Variants in CHRM3 observed in about 807,000 individuals in gnomAD.
The protein encoded by CHRM3 is muscarinic acetylcholine receptor M3.
A neutral mutation model predicts 41.8 loss-of-function variants in CHRM3; 11 were observed. That is an observed-to-expected ratio of 0.26 (90% CI 0.17 to 0.44). The LOEUF (loss-of-function observed/expected upper bound fraction) is 0.44. Among genes scored for constraint, CHRM3 ranks in the 20% least tolerant of loss-of-function variants. CHRM3 has a pLI of 1.00. For synonymous variants in CHRM3, 297 were observed against 301.4 expected, an observed-to-expected ratio of 0.99 and a Z score of 0.15; for missense variants, 571 against 745.4, an observed-to-expected ratio of 0.77 and a Z score of 2.72.
chr1:239,737,149 A>T (rs895880686), intron 5 of CHRM3, among the ~76,000 whole-genome samples: 1 of 152,152 alleles, frequency 6.6e-6, no homozygotes, highest in African/African-American at 2.4e-5. Context: ...AATTACAATG[A>T]TGTGCCTAAA....
At chr1:239,846,231 CTT>C (rs1674250883) in intron 6 of CHRM3, among the ~76,000 whole-genome samples, 1 of 152,080 alleles carries the variant, frequency 6.6e-6, no homozygotes, top group African/African-American at 2.4e-5. Context: ...TTTAAAGTAA[CTT>C]CCAGAAAACG....
intron 6 of CHRM3, among the ~76,000 whole-genome samples, chr1:239,837,310 C>G (rs534979814): frequency 6.6e-6 from 1 of 152,144 alleles, no homozygotes; most frequent in Non-Finnish European, 1.5e-5. Context: ...AGAGAAATAT[C>G]CAAGCACCTA....
intron 5 of CHRM3, among the ~76,000 whole-genome samples, chr1:239,797,338 C>T (rs485159): frequency 0.26 from 39,832 of 151,424 alleles, 6,067 homozygotes; most frequent in Admixed American, 0.34. Context: ...CACATGTACC[C>T]CTGACTCTAA....
chr1:239,649,731 G>A (rs60744906), intron 4 of CHRM3, among the ~76,000 whole-genome samples: 32,436 of 152,002 alleles, frequency 0.21, 4,681 homozygotes, highest in East Asian at 0.54. Flanking sequence ...GATCTTGAGT[G>A]CGAGAGAAGG....
chr1:239,590,394 C>T (rs1663994362), intron 3 of CHRM3, among the ~76,000 whole-genome samples: 1 of 151,988 alleles, frequency 6.6e-6, no homozygotes, highest in African/African-American at 2.4e-5. Context: ...AAGGAGAGGA[C>T]AAATACACAA....
chr1:239,734,312 C>T (rs963524323), intron 5 of CHRM3, among the ~76,000 whole-genome samples: 1 of 151,972 alleles, frequency 6.6e-6, no homozygotes, highest in Non-Finnish European at 1.5e-5. Context: ...GAGGTCATGT[C>T]GAAAGGACTC....
intron 2 of CHRM3, among the ~76,000 whole-genome samples, chr1:239,513,215 C>G (rs1669039593): frequency 2.6e-5 from 4 of 152,104 alleles, no homozygotes; most frequent in Non-Finnish European, 5.9e-5. Flanking sequence ...CATTTTCTGT[C>G]TTAATCTGAT....
At chr1:239,541,461 A>G (rs1459426111) in intron 2 of CHRM3, among the ~76,000 whole-genome samples, 2 of 152,176 alleles carry the variant, frequency 1.3e-5, no homozygotes, top group African/African-American at 4.8e-5. Context: ...CAAGATAACT[A>G]AATTGTCAAT....
intron 1 of CHRM3, among the ~76,000 whole-genome samples, chr1:239,464,241 C>T (rs1572390825): frequency 6.7e-6 from 1 of 149,594 alleles, no homozygotes; most frequent in Admixed American, 6.7e-5. Flanking sequence ...GATCGTGCCA[C>T]TGCACTCCAG....
intron 5 of CHRM3, among the ~76,000 whole-genome samples, chr1:239,730,913 C>T (rs1663907261): frequency 6.6e-6 from 1 of 151,834 alleles, no homozygotes; most frequent in Non-Finnish European, 1.5e-5. Context: ...TGTACTAAAG[C>T]AGTAACATCA....
rs569819919 is a variant in CHRM3, at chr1:239,606,481, G to A, written c.-312-25743G>A. 3.2e-3 allele frequency among the ~76,000 whole-genome samples: 487 copies of A among 152,230 alleles called. 4 individuals are homozygous for A. The highest frequency in any genetic ancestry group is 0.011 in the African/African-American group (465 of 41,542). On this transcript the variant is annotated intron_variant, in intron 3 of 6. Transcript: ENST00000676153. ...AGTAGAGACAAGGTTTCACTATGTT[G>A]GCCAGGCTGGTCTCAATCTCCTGAC...
intron 3 of CHRM3, among the ~76,000 whole-genome samples, chr1:239,581,217 G>A (rs72756782): frequency 2.5e-4 from 38 of 152,090 alleles, no homozygotes; most frequent in Non-Finnish European, 4.0e-4. Context: ...GCCATATGTC[G>A]AGGACTTATT....
Position 239,522,581 on chromosome 1 carries a change from A to G in CHRM3, c.-421-23060A>G, listed in dbSNP as rs550965621. 3.2e-4 allele frequency among the ~76,000 whole-genome samples: 49 copies of G among 152,378 alleles called. 1 individual carries two copies. The Middle Eastern group carries it at 0.01, about 32-fold the overall frequency. On this transcript the variant is annotated intron_variant, in intron 2 of 6. Coordinates refer to ENST00000676153, the MANE Select transcript of CHRM3 (RefSeq NM_001375978.1). ...TATTATATGCAATAATAGGTAGCAG[A>G]CACTGGCTTTGGTTGGACATGTATG...
chr1:239,421,058 TA>T (rs1385578794), intron 1 of CHRM3, among the ~76,000 whole-genome samples: 4 of 152,308 alleles, frequency 2.6e-5, no homozygotes, highest in Admixed American at 1.3e-4. Context: ...CGTATTATTT[TA>T]AAAAGAGGAA....
chr1:239,809,678 T>A (rs1310200934), intron 5 of CHRM3, among the ~76,000 whole-genome samples: 2 of 152,120 alleles, frequency 1.3e-5, no homozygotes, highest in East Asian at 3.9e-4. Flanking sequence ...TTAATTTTTT[T>A]TGTACAGACA....
At position 239,556,753 on chromosome 1, in the gene CHRM3, TG is replaced by T. The variant is rs1660396605; in HGVS notation, c.-313+11006del. On this transcript the variant is annotated intron_variant, in intron 3 of 6. Transcript: ENST00000676153. ...CATAAAATAAGTTGCAAGACAGAAA[TG>T]GTAAAAATGTATGACAAAAAGAAAC... 3.3e-5 allele frequency among the ~76,000 whole-genome samples: 5 copies of T among 151,870 alleles called. No homozygotes were observed. In the South Asian group the frequency reaches 1.0e-3, roughly 32 times the overall value.
chr1:239,851,291 A>G (rs937932777), intron 6 of CHRM3, among the ~76,000 whole-genome samples: 2 of 152,240 alleles, frequency 1.3e-5, no homozygotes, highest in Non-Finnish European at 2.9e-5. Context: ...TATTTGAACT[A>G]GAATTTCCAT....
intron 4 of CHRM3, among the ~76,000 whole-genome samples, chr1:239,640,538 CT>C (rs1196498457): frequency 6.6e-6 from 1 of 152,046 alleles, no homozygotes; most frequent in Non-Finnish European, 1.5e-5. Context: ...TGTAGATTTT[CT>C]AGTTTATTTG....
intron 3 of CHRM3, among the ~76,000 whole-genome samples, chr1:239,573,318 A>T (rs142307073): frequency 2.3e-4 from 35 of 152,294 alleles, no homozygotes; most frequent in Admixed American, 1.7e-3. Flanking sequence ...AGAGATGAGG[A>T]TGCTGAGTAA....
Sources: allele counts gnomAD v4.1 joint callset (sites outside exome capture counted in the v4.1 genomes callset), GRCh38; gene constraint gnomAD v4.1.1; transcripts MANE v1.5; gene names NCBI Gene and HGNC (gene_info 2026-07-23, HGNC 2026-07-21).